VRK2: variants seen among roughly 807,000 people sequenced by gnomAD.
VRK2 encodes the protein VRK serine/threonine kinase 2, also known as serine/threonine-protein kinase VRK2.
A neutral mutation model predicts 57.6 loss-of-function variants in VRK2; 60 were observed. The observed-to-expected ratio is 1.04, with a 90% CI of 0.85 to 1.29. VRK2 has a LOEUF of 1.29. Ranked by LOEUF, VRK2 falls within the 50% of genes most tolerant of loss-of-function variation. The pLI is 0.00. For synonymous variants in VRK2, 231 were observed against 199.2 expected, an observed-to-expected ratio of 1.16 and a Z score of -1.35; for missense variants, 705 against 588.1, an observed-to-expected ratio of 1.20 and a Z score of -2.06.
At chr2:57,979,860 T>C (rs971457709) in intron 1 of VRK2, among the ~76,000 whole-genome samples, 2 of 152,158 alleles carry the variant, frequency 1.3e-5, no homozygotes, top group Non-Finnish European at 2.9e-5. Flanking sequence ...GGGTTTTTTG[T>C]ATTTCTGTAG....
intron 1 of VRK2, among the ~76,000 whole-genome samples, chr2:58,015,234 G>T (rs1289012920): frequency 6.6e-6 from 1 of 151,994 alleles, no homozygotes; most frequent in Non-Finnish European, 1.5e-5. Flanking sequence ...TTCATCTTAG[G>T]TTTGTTCATT....
chr2:57,949,076 A>C (rs1449469611), intron 1 of VRK2, among the ~76,000 whole-genome samples: 1 of 87,782 alleles, frequency 1.1e-5, no homozygotes, highest in Non-Finnish European at 2.2e-5. Context: ...GTGGTGGGGG[A>C]CAGGGGGCGG....
Position 58,159,514 on chromosome 2 carries a change from T to G in VRK2, c.1348T>G (p.Trp450Gly). 1 of 1,613,802 alleles carries G rather than the reference T, an allele frequency of 6.2e-7. No homozygotes were observed. Among genetic ancestry groups the G allele is most frequent in the East Asian group, 2.2e-5 (1 of 44,844 alleles). The change falls in exon 13 of 13, where the codon TGG becomes GGG. Residue 450 changes from tryptophan (W) to glycine (G), a missense_variant. By Grantham distance (184) the Trp-to-Gly change is radical (BLOSUM62 -2). Transcript: ENST00000340157. Reference sequence around the variant, plus strand: ...ATTCAAGAAGTCAAGATCTCCATCTTGGTATAAATACACTTCCACAGTCAG... The same window carrying G: ...ATTCAAGAAGTCAAGATCTCCATCTGGGTATAAATACACTTCCACAGTCAG... The part of the protein sequence containing the change: ...DIFKKSRSPS[W>G]YKYTSTVSTG...
intron 1 of VRK2, among the ~76,000 whole-genome samples, chr2:57,909,182 A>C (rs1669913011): frequency 1.3e-5 from 2 of 152,206 alleles, no homozygotes; most frequent in Admixed American, 6.5e-5. Context: ...ATTATGCCTC[A>C]GTTTACCTTC....
chr2:58,148,920 TTAGAA>T (rs1682568371), intron 12 of VRK2, among the ~76,000 whole-genome samples: 1 of 151,830 alleles, frequency 6.6e-6, no homozygotes, highest in African/African-American at 2.4e-5. Context: ...AGTTCTGAAA[TTAGAA>T]TAGTTCTTTA....
intron 1 of VRK2, among the ~76,000 whole-genome samples, chr2:57,986,534 T>A (rs1672598363): frequency 6.6e-6 from 1 of 151,380 alleles, no homozygotes; most frequent in Admixed American, 6.6e-5. Flanking sequence ...AAGCCACATA[T>A]ATACATATAT....
intron 1 of VRK2, among the ~76,000 whole-genome samples, chr2:57,979,183 T>C (rs1672340790): frequency 6.6e-6 from 1 of 151,150 alleles, no homozygotes; most frequent in Non-Finnish European, 1.5e-5. Context: ...ATATACCCAG[T>C]AATGGGATTG....
At chr2:57,940,426 C>T (rs1446133941) in intron 1 of VRK2, among the ~76,000 whole-genome samples, 1 of 152,152 alleles carries the variant, frequency 6.6e-6, no homozygotes, top group Non-Finnish European at 1.5e-5. Context: ...GGACAATCTG[C>T]TTTACTGAGT....
chr2:58,007,148 A>G (rs993606816), intron 1 of VRK2, among the ~76,000 whole-genome samples: 3 of 151,906 alleles, frequency 2.0e-5, no homozygotes, highest in African/African-American at 7.3e-5. Flanking sequence ...TTTGCTAAAT[A>G]GAGATCTTGG....
intron 1 of VRK2, among the ~76,000 whole-genome samples, chr2:58,005,085 T>C (rs1673202343): frequency 6.6e-6 from 1 of 152,170 alleles, no homozygotes; most frequent in Non-Finnish European, 1.5e-5. Context: ...AGGCTTGCAA[T>C]TTTAATTATC....
intron 10 of VRK2, among the ~76,000 whole-genome samples, chr2:58,137,165 T>TCATATATATCATATATGATA (rs1553422335): frequency 0.013 from 64 of 4,910 alleles, no homozygotes; most frequent in Admixed American, 0.045. Context: ...TTTATATATA[T>TCATATATATCATATATGATA]CATATATCAT....
At chr2:57,919,566 T>C (rs1015045113) in intron 1 of VRK2, among the ~76,000 whole-genome samples, 3 of 152,100 alleles carry the variant, frequency 2.0e-5, no homozygotes, top group African/African-American at 7.2e-5. Flanking sequence ...CAAGTATACA[T>C]AGAGCTTCAT....
chr2:58,032,038 C>T (rs1323787127), intron 2 of VRK2, among the ~76,000 whole-genome samples: 1 of 152,064 alleles, frequency 6.6e-6, no homozygotes, highest in Non-Finnish European at 1.5e-5. Context: ...CCTTCCTATT[C>T]ACTCACTCTT....
intron 7 of VRK2, among the ~76,000 whole-genome samples, chr2:58,094,326 C>G (rs1034076930): frequency 6.6e-6 from 1 of 152,112 alleles, no homozygotes; most frequent in African/African-American, 2.4e-5. Flanking sequence ...TTGTTTGTGT[C>G]CTCTTTTATT....
In VRK2 at chr2:58,159,838, C is replaced by T. The variant is rs756417974; in HGVS notation, c.*145C>T. The T allele has an allele frequency of 8.1e-6, 13 of 1,608,914 alleles. No homozygotes were observed. In the East Asian group the frequency reaches 2.9e-4, roughly 36 times the overall value. On this transcript the variant is annotated 3_prime_UTR_variant, in exon 13 of 13. Coordinates refer to ENST00000340157, the MANE Select transcript of VRK2 (RefSeq NM_006296.7). ...AACATATTTTAACAAAGTTTGTGGA[C>T]ACTCTAAAAAATAAAATTGCTTTGT...
intron 12 of VRK2, 45 bp from the exon 13 acceptor site, chr2:58,159,304 A>AACTC: frequency 1.4e-6 from 2 of 1,409,932 alleles, no homozygotes; most frequent in Non-Finnish European, 1.9e-6. Context: ...ATACTTGGAT[A>AACTC]ACTCACGTCT....
intron 1 of VRK2, among the ~76,000 whole-genome samples, chr2:58,022,748 G>T (rs1040669981): frequency 6.6e-6 from 1 of 152,124 alleles, no homozygotes; most frequent in African/African-American, 2.4e-5. Context: ...GGTGGCCCTT[G>T]CCTGTAGTCC....
chr2:57,952,495 T>C (rs149423071), intron 1 of VRK2, among the ~76,000 whole-genome samples: 2 of 152,320 alleles, frequency 1.3e-5, no homozygotes, highest in African/African-American at 4.8e-5. Context: ...TCCAAGTTGC[T>C]TCAGGTTCAC....
chr2:58,041,109 T>C (rs192205627), intron 3 of VRK2: 16 of 976,882 alleles, frequency 1.6e-5, no homozygotes, highest in South Asian at 9.5e-5. Flanking sequence ...TATAGTCTTA[T>C]AGTTAACCTT....
Sources: gnomAD v4.1 joint callset for allele counts (sites outside exome capture counted in the v4.1 genomes callset) on GRCh38, gnomAD v4.1.1 for gene constraint, MANE v1.5 for transcripts, NCBI Gene and HGNC (gene_info 2026-07-23, HGNC 2026-07-21) for gene names.